The following HNRNPR variants were observed in gnomAD, a reference collection of about 807,000 sequenced individuals.
The protein encoded by HNRNPR is heterogeneous nuclear ribonucleoprotein R.
In HNRNPR, 4 loss-of-function variants were observed where a neutral mutation model predicts 70.3. That is an observed-to-expected ratio of 0.06 (90% CI 0.03 to 0.13). The LOEUF (loss-of-function observed/expected upper bound fraction) is 0.13, where lower values mean the gene tolerates loss of function less well. Ranked by LOEUF, HNRNPR falls within the 10% of genes least tolerant of loss-of-function variation. HNRNPR has a pLI of 1.00. For missense variants in HNRNPR, 423 were observed against 788.5 expected (o/e 0.54, Z 5.55); for synonymous variants, 241 against 267.6 (o/e 0.90, Z 0.97).
At chr1:23,335,888 C>A (rs1005487658) in intron 4 of HNRNPR, among the ~76,000 whole-genome samples, 1 of 146,946 alleles carries the variant, frequency 6.8e-6, no homozygotes, top group East Asian at 2.0e-4. Flanking sequence ...GAGGCTGAGG[C>A]GGGCGGATCA....
intron 5 of HNRNPR, among the ~76,000 whole-genome samples, chr1:23,326,390 C>T (rs536288631): frequency 2.0e-5 from 3 of 152,174 alleles, no homozygotes; most frequent in Non-Finnish European, 4.4e-5. Context: ...GAGAAAAGCA[C>T]ACAGCATCTA....
At chr1:23,316,128 T>TAA (rs759239427) in intron 8 of HNRNPR, among the ~76,000 whole-genome samples, 6 of 152,190 alleles carry the variant, frequency 3.9e-5, no homozygotes, top group Non-Finnish European at 8.8e-5. Flanking sequence ...ACAGAAGCTT[T>TAA]ACTCAAATGG....
At chr1:23,342,427 G>A (rs913080927) in intron 1 of HNRNPR, among the ~76,000 whole-genome samples, 1 of 152,136 alleles carries the variant, frequency 6.6e-6, no homozygotes, top group Non-Finnish European at 1.5e-5. Context: ...ATTAAGACTC[G>A]ATAGCCCTTA....
Position 23,310,631 on chromosome 1 carries a change from T to C in HNRNPR, c.1725A>G (p.Ala575=). 2 of 1,614,100 alleles carry C rather than the reference T, an allele frequency of 1.2e-6. No homozygotes were observed. Among genetic ancestry groups the C allele is most frequent in the Non-Finnish European group, 1.7e-6 (2 of 1,179,964 alleles). The change falls in exon 11 of 11, where the codon GCA becomes GCG. Residue 575 remains alanine, a synonymous_variant. Transcript: ENST00000302271. The surrounding 1 kb of genome is among the most constrained non-coding windows in gnomAD (Gnocchi z 6.0). ...RGGNVGGKRK[A]DGYNQPDSKR... ...TGGAATCAGGCTGGTTGTACCCATC[T>C]GCCTTTCTCTTGCCTCCTACATTGC...
At chr1:23,332,698 T>A (rs1474851769) in intron 5 of HNRNPR, among the ~76,000 whole-genome samples, 6 of 105,110 alleles carry the variant, frequency 5.7e-5, no homozygotes, top group African/African-American at 8.1e-5. Context: ...AAAAATTCCA[T>A]CTCAAAAAAA....
chr1:23,332,851 G>C (rs556129742), intron 5 of HNRNPR, among the ~76,000 whole-genome samples: 111 of 151,764 alleles, frequency 7.3e-4, no homozygotes, highest in Middle Eastern at 3.4e-3. Flanking sequence ...AGTGAGACCT[G>C]GTCTCTACAG....
chr1:23,327,162 T>C (rs1206192312), intron 5 of HNRNPR, among the ~76,000 whole-genome samples: 1 of 152,080 alleles, frequency 6.6e-6, no homozygotes, highest in East Asian at 1.9e-4. Flanking sequence ...ATCCAATTAA[T>C]CTTTAAAGTA....
chr1:23,330,212 A>T (rs648473), intron 5 of HNRNPR, among the ~76,000 whole-genome samples: 9,118 of 152,156 alleles, frequency 0.06, 889 homozygotes, highest in African/African-American at 0.21. Context: ...ATGACCTCCA[A>T]GAATACTGCT....
intron 8 of HNRNPR, among the ~76,000 whole-genome samples, chr1:23,317,344 G>C (rs1645584488): frequency 6.6e-6 from 1 of 152,094 alleles, no homozygotes; most frequent in Non-Finnish European, 1.5e-5. Flanking sequence ...TGTAGTCCCA[G>C]CTACTTGGGA....
rs143146750 is a variant in HNRNPR, at chr1:23,314,545, T to C, written c.1018-843A>G. On this transcript the variant is annotated intron_variant, in intron 8 of 10. Coordinates refer to ENST00000302271, the MANE Select transcript of HNRNPR (RefSeq NM_005826.5). Reference sequence around the variant, plus strand: ...TAGAAAAATAGGCAAAATTCCTGAATACATGGTTCATACACAGAAACACAT... The same window carrying C: ...TAGAAAAATAGGCAAAATTCCTGAACACATGGTTCATACACAGAAACACAT... 2.8e-4 allele frequency among the ~76,000 whole-genome samples: 42 copies of C among 152,270 alleles called. No homozygotes were observed. The East Asian group carries it at 7.9e-3, about 29-fold the overall frequency.
At chr1:23,321,791 G>A in intron 6 of HNRNPR, 128 bp from the exon 7 acceptor site, 2 of 811,974 alleles carry the variant, frequency 2.5e-6, no homozygotes, top group Non-Finnish European at 3.8e-6. Context: ...GTTCCCTCAT[G>A]CTTTCCATAA....
chr1:23,326,141 C>G (rs958470897), intron 5 of HNRNPR, among the ~76,000 whole-genome samples: 3 of 152,002 alleles, frequency 2.0e-5, no homozygotes, highest in Non-Finnish European at 4.4e-5. Context: ...CTCCAAAGTA[C>G]TGGGATTACA....
intron 7 of HNRNPR, among the ~76,000 whole-genome samples, 153 bp downstream of exon 7, chr1:23,321,375 A>T (rs1645753111): frequency 6.6e-6 from 1 of 152,196 alleles, no homozygotes; most frequent in Non-Finnish European, 1.5e-5. Flanking sequence ...AACTTGCTTA[A>T]ACCCAAACCA....
chr1:23,342,634 C>T (rs896272465), intron 1 of HNRNPR, among the ~76,000 whole-genome samples: 1 of 152,152 alleles, frequency 6.6e-6, no homozygotes, highest in Non-Finnish European at 1.5e-5. Context: ...AATCTCCTTG[C>T]GAACATAAGG....
Position 23,309,028 on chromosome 1 carries a change from C to T in HNRNPR, c.*1426G>A, listed in dbSNP as rs1395362938. 2 of 151,882 alleles carry T rather than the reference C, an allele frequency of 1.3e-5. No homozygotes were observed. Among genetic ancestry groups the T allele is most frequent in the East Asian group, 3.9e-4 (2 of 5,190 alleles). 9.4% of individuals were successfully genotyped at this position (151,882 alleles called of 1,614,324 possible). On this transcript the variant is annotated 3_prime_UTR_variant, in exon 11 of 11. Transcript: ENST00000302271. Reference sequence around the variant, plus strand: ...ACCGTAAAGCTTAGATTCTTTTGTTCCTCTCATTCTCAAGCAAAAAAGTCA... The same window carrying T: ...ACCGTAAAGCTTAGATTCTTTTGTTTCTCTCATTCTCAAGCAAAAAAGTCA...
chr1:23,330,819 C>T (rs1646190439), intron 5 of HNRNPR, among the ~76,000 whole-genome samples: 1 of 152,182 alleles, frequency 6.6e-6, no homozygotes, highest in Non-Finnish European at 1.5e-5. Context: ...GTCTCAGGCA[C>T]TGACTCTAAC....
At chr1:23,332,072 C>T (rs1175814205) in intron 5 of HNRNPR, among the ~76,000 whole-genome samples, 1 of 151,790 alleles carries the variant, frequency 6.6e-6, no homozygotes, top group Non-Finnish European at 1.5e-5. Context: ...GCAGAGGTTG[C>T]AGTGGGCTGA....
rs1322624900 is a variant in HNRNPR at position 23,305,932 on chromosome 1, A to G, written c.*4522T>C. The G allele has an allele frequency of 6.6e-6, 1 of 152,208 alleles. No homozygotes were observed. Among genetic ancestry groups the G allele is most frequent in the African/African-American group, 2.4e-5 (1 of 41,456 alleles). The allele number at this position is 152,208 out of a possible 1,614,324, so 9.4% of individuals were successfully genotyped here. ...TTTTAAAGTTTCATTTTACAGTGTT[A>G]AGATTACTTTGGAAGATTTTTAAAA... On this transcript the variant is annotated 3_prime_UTR_variant, in exon 11 of 11. Transcript: ENST00000302271.
chr1:23,324,939 G>C (rs1001486991), intron 5 of HNRNPR, among the ~76,000 whole-genome samples: 1 of 152,008 alleles, frequency 6.6e-6, no homozygotes, highest in African/African-American at 2.4e-5. Flanking sequence ...AGGAGACCGA[G>C]ACCATCCTGG....
Sources: allele counts gnomAD v4.1 joint callset (sites outside exome capture counted in the v4.1 genomes callset), GRCh38; gene constraint gnomAD v4.1.1; non-coding constraint Gnocchi (gnomAD v3.1); transcripts MANE v1.5; gene names NCBI Gene and HGNC (gene_info 2026-07-23, HGNC 2026-07-21).